Variants in SMARCB1 observed in about 807,000 individuals in gnomAD.
The protein encoded by SMARCB1 is SWI/SNF-related matrix-associated actin-dependent regulator of chromatin subfamily B member 1.
Under a neutral mutation model 49.0 loss-of-function variants are expected in SMARCB1, and 5 were observed. That is an observed-to-expected ratio of 0.10 (90% CI 0.05 to 0.21). The LOEUF (loss-of-function observed/expected upper bound fraction) is 0.21, where lower values mean the gene tolerates loss of function less well. SMARCB1 is among the 10% of genes least tolerant of loss of function. The pLI is 1.00. For missense variants in SMARCB1, 226 were observed against 509.2 expected, an observed-to-expected ratio of 0.44 and a Z score of 5.35; for synonymous variants, 201 against 200.1, an observed-to-expected ratio of 1.00 and a Z score of -0.04.
At chr22:23,825,637 A>T in intron 7 of SMARCB1, 1 of 576,188 alleles carries the variant, frequency 1.7e-6, no homozygotes, top group Non-Finnish European at 3.1e-6. Flanking sequence ...ATAGCTGGCA[A>T]AGACTTGGAG....
intron 5 of SMARCB1, among the ~76,000 whole-genome samples, chr22:23,805,891 T>C (rs1929464350): frequency 6.6e-6 from 1 of 152,210 alleles, no homozygotes; most frequent in Non-Finnish European, 1.5e-5. Context: ...GTTACCTTTC[T>C]TTGGGCAACA....
chr22:23,804,814 T>C (rs1326411419), intron 5 of SMARCB1, among the ~76,000 whole-genome samples: 1 of 152,252 alleles, frequency 6.6e-6, no homozygotes, highest in Non-Finnish European at 1.5e-5. Flanking sequence ...CTGCTGGGAT[T>C]ACAGGCGTGA....
rs776693680 is a variant in SMARCB1 at position 23,816,836 on chromosome 22, C to T, written c.695C>T (p.Thr232Met). 19 of 1,613,996 alleles carry T rather than the reference C, an allele frequency of 1.2e-5. No individual in the cohort carries two copies. Among genetic ancestry groups the T allele is most frequent in the Admixed American group, 3.3e-5 (2 of 60,030 alleles). ...GACGATCTGGATTTGAACCCGCTGA[C>T]GTTTGTGCCAGCCATCGCCTCTGCC... ...LCDDLDLNPL[T>M]FVPAIASAIR... The change falls in exon 6 of 9, where the codon ACG (threonine) becomes ATG (methionine). Residue 232 changes from threonine to methionine, a missense_variant. Physicochemically the swap from Thr to Met is moderately conservative, Grantham distance 81. Around this residue, in one of 6 missense-constraint regions of SMARCB1, gnomAD observed 128 missense variants for 263.9 expected, o/e 0.49. Coordinates refer to ENST00000644036, the MANE Select transcript of SMARCB1 (RefSeq NM_003073.5).
intron 5 of SMARCB1, among the ~76,000 whole-genome samples, chr22:23,811,478 C>A (rs1056222081): frequency 6.6e-6 from 1 of 152,174 alleles, no homozygotes; most frequent in East Asian, 1.9e-4. Context: ...CCATATAATC[C>A]GTATAATGGA....
At chr22:23,831,406 G>A (rs564314538) in intron 7 of SMARCB1, among the ~76,000 whole-genome samples, 1 of 152,160 alleles carries the variant, frequency 6.6e-6, no homozygotes, top group Non-Finnish European at 1.5e-5. Flanking sequence ...GACACTTTGG[G>A]TGGTAGGAAG....
rs1474975885 is a variant in SMARCB1 at position 23,837,682 on chromosome 22, T to C, written c.*3502T>C. 1.2e-6 allele frequency: 2 copies of C among 1,612,854 alleles called. No individual in the cohort carries two copies. The highest frequency in any genetic ancestry group is 1.7e-6 in the Non-Finnish European group (2 of 1,179,628). ...ACCCAGCAGGTCCACGAGGATGGAG[T>C]TGCCCAGCAGCAGCGAGAAGCCCAT... On this transcript the variant is annotated 3_prime_UTR_variant, in exon 9 of 9. Coordinates refer to ENST00000644036, the MANE Select transcript of SMARCB1 (RefSeq NM_003073.5).
At position 23,791,910 on chromosome 22, in the gene SMARCB1, G is replaced by C. The variant is rs1473831341; in HGVS notation, c.232+16G>C. ...AACACTAAGGGTGCGTCTTCACGAG[G>C]GTTTGTAAACCTGTTTCAAAACCAC... is the stretch of plus-strand genomic sequence containing the variant. On this transcript the variant is annotated intron_variant, in intron 2 of 8. Coordinates refer to ENST00000644036, the MANE Select transcript of SMARCB1 (RefSeq NM_003073.5). The C allele has an allele frequency of 6.2e-7, 1 of 1,613,598 alleles. No homozygotes were observed. Among genetic ancestry groups the C allele is most frequent in the African/African-American group, 1.3e-5 (1 of 74,926 alleles).
At chr22:23,822,137 A>C (rs1250555859) in intron 6 of SMARCB1, among the ~76,000 whole-genome samples, 1 of 152,238 alleles carries the variant, frequency 6.6e-6, no homozygotes, top group African/African-American at 2.4e-5. Context: ...TTAGAGCAGC[A>C]TCTTCCAGAT....
intron 5 of SMARCB1, among the ~76,000 whole-genome samples, chr22:23,808,460 G>C (rs543823057): frequency 1.3e-5 from 2 of 152,134 alleles, no homozygotes; most frequent in African/African-American, 4.8e-5. Context: ...GTTTCACCGT[G>C]TTAGCCAGGA....
intron 3 of SMARCB1, among the ~76,000 whole-genome samples, chr22:23,795,177 CT>C (rs778405710): frequency 3.3e-5 from 5 of 151,922 alleles, no homozygotes; most frequent in African/African-American, 7.3e-5. Context: ...AATCTCAGCA[CT>C]TTGGGAAGTC....
In SMARCB1 at chr22:23,787,273, G is replaced by T. The variant is rs1192164404; in HGVS notation, c.93+11G>T. ...ATGATCGGCTCCGAGGTAGCCCGGG[G>T]CGCGTTCTCGCCCTCCCCGGGCTCG... is the stretch of plus-strand genomic sequence containing the variant. On this transcript the variant is annotated intron_variant, in intron 1 of 8. Coordinates refer to ENST00000644036, the MANE Select transcript of SMARCB1 (RefSeq NM_003073.5). 1 of 1,544,960 alleles carries T rather than the reference G, an allele frequency of 6.5e-7. No individual in the cohort carries two copies. The highest frequency in any genetic ancestry group is 8.9e-7 in the Non-Finnish European group (1 of 1,127,016).
intron 4 of SMARCB1, chr22:23,801,314 C>T (rs897357433): frequency 8.2e-6 from 6 of 730,920 alleles, no homozygotes; most frequent in Admixed American, 2.0e-5. Context: ...CCTCTCTGGC[C>T]CCTCAAGTGG....
chr22:23,827,115 G>A (rs1041919884), intron 7 of SMARCB1, among the ~76,000 whole-genome samples: 9 of 152,170 alleles, frequency 5.9e-5, no homozygotes, highest in African/African-American at 1.9e-4. Flanking sequence ...CATGTTGCGC[G>A]CATCAACACT....
intron 5 of SMARCB1, among the ~76,000 whole-genome samples, chr22:23,809,646 C>T (rs1393401996): frequency 7.3e-5 from 11 of 150,920 alleles, no homozygotes; most frequent in African/African-American, 9.8e-5. Context: ...CTCCTGACCT[C>T]GTGTTCCGCC....
At chr22:23,799,459 G>A (rs1417272340) in intron 3 of SMARCB1, among the ~76,000 whole-genome samples, 1 of 147,048 alleles carries the variant, frequency 6.8e-6, no homozygotes, top group Non-Finnish European at 1.5e-5. Flanking sequence ...TGTATTTTTG[G>A]TAGGGTTGAG....
chr22:23,829,565 A>G (rs567112115), intron 7 of SMARCB1, among the ~76,000 whole-genome samples: 10 of 152,302 alleles, frequency 6.6e-5, no homozygotes, highest in African/African-American at 2.4e-4. Flanking sequence ...AGGCTGGGGT[A>G]TGTCAGGTAC....
chr22:23,803,272 T>C, intron 4 of SMARCB1, 23 bp from the exon 5 acceptor site: 1 of 1,614,098 alleles, frequency 6.2e-7, no homozygotes, highest in South Asian at 1.1e-5. Context: ...CCTCGCTGAC[T>C]GTTGCTTCCA....
intron 5 of SMARCB1, among the ~76,000 whole-genome samples, chr22:23,812,096 C>T (rs2145999502): frequency 6.6e-6 from 1 of 152,246 alleles, no homozygotes; most frequent in Non-Finnish European, 1.5e-5. Context: ...CACAACTCAT[C>T]CAATGTCAAA....
intron 3 of SMARCB1, among the ~76,000 whole-genome samples, chr22:23,799,975 C>T (rs182413341): frequency 1.3e-3 from 198 of 152,164 alleles, no homozygotes; most frequent in Middle Eastern, 3.4e-3. Flanking sequence ...TGAGCCACCG[C>T]GCCCGGCTAC....
Sources: allele counts gnomAD v4.1 joint callset (sites outside exome capture counted in the v4.1 genomes callset), GRCh38; gene constraint gnomAD v4.1.1; regional missense constraint gnomAD v4.1.1; transcripts MANE v1.5; gene names NCBI Gene and HGNC (gene_info 2026-07-23, HGNC 2026-07-21).